The following KPTN variants were observed in gnomAD, a reference collection of about 807,000 sequenced individuals.
KPTN encodes the protein kaptin, actin binding protein.
In KPTN, 36 loss-of-function variants were observed where a neutral mutation model predicts 52.6. That is an observed-to-expected ratio of 0.68 (90% CI 0.52 to 0.90). KPTN has a LOEUF of 0.90. KPTN is among the 40% of genes least tolerant of loss of function. KPTN has a pLI of 0.00. For synonymous variants in KPTN, 271 were observed against 248.4 expected, an observed-to-expected ratio of 1.09 and a Z score of -0.85; for missense variants, 529 against 576.2, an observed-to-expected ratio of 0.92 and a Z score of 0.84.
rs746377317 is a variant in KPTN, at chr19:47,475,566, G to C, written c.1183-22C>G. Reference sequence around the variant, plus strand: ...TGTGCTGTGGGGAACAAGAGAATGAGGGGGATGGAGCTGAGGAAGAGCTGT... The same window carrying C: ...TGTGCTGTGGGGAACAAGAGAATGACGGGGATGGAGCTGAGGAAGAGCTGT... On this transcript the variant is annotated intron_variant, in intron 11 of 11. Transcript: ENST00000338134. 12 of 1,609,448 alleles carry C rather than the reference G, an allele frequency of 7.5e-6. No individual in the cohort carries two copies. In the East Asian group the frequency reaches 2.5e-4, roughly 33 times the overall value.
intron 7 of KPTN, 104 bp from the exon 8 acceptor site, chr19:47,480,044 C>G: frequency 1.1e-6 from 1 of 917,928 alleles, no homozygotes; most frequent in Admixed American, 2.1e-5. Context: ...CACCCTAGCC[C>G]CGCCCCTCTG....
upstream of KPTN, among the ~76,000 whole-genome samples, chr19:47,485,631 T>C (rs1210905350): frequency 6.6e-6 from 1 of 152,186 alleles, no homozygotes; most frequent in Non-Finnish European, 1.5e-5. Flanking sequence ...AAAGCAGGCA[T>C]TCAGAAAATA....
rs1176996149 is a variant in KPTN at position 47,476,590 on chromosome 19, G to C, written c.1124C>G (p.Thr375Ser). The C allele has an allele frequency of 2.5e-6, 4 of 1,612,024 alleles. No individual in the cohort carries two copies. Among genetic ancestry groups the C allele is most frequent in the African/African-American group, 2.7e-5 (2 of 74,348 alleles). ...GGCAAGCTCCTGCAGCCCATCCCCG[G>C]TCAGGTCCACGTGAGCCATGGCCAG... is the stretch of plus-strand genomic sequence containing the variant. The part of the protein sequence containing the change: ...PLLAMAHVDL[T>S]GDGLQELAVV... The change falls in exon 11 of 12, where the codon ACC (threonine) becomes AGC (serine). Residue 375 changes from threonine (T) to serine (S), a missense_variant. Coordinates refer to ENST00000338134, the MANE Select transcript of KPTN (RefSeq NM_007059.4).
chr19:47,477,640 A>G, intron 9 of KPTN, 66 bp downstream of exon 9: 1 of 1,212,496 alleles, frequency 8.2e-7, no homozygotes, highest in Non-Finnish European at 1.2e-6. Flanking sequence ...GTAGAGAATG[A>G]CAAGGTTAGA....
In KPTN at chr19:47,475,547, G is replaced by C. The variant is rs1967635121; in HGVS notation, c.1183-3C>G. ...TCTGAGGCCTGAATCAGGCTGTGCT[G>C]TGGGGAACAAGAGAATGAGGGGGAT... On this transcript the variant is annotated splice_polypyrimidine_tract_variant and splice_region_variant and intron_variant, in intron 11 of 11. Coordinates refer to ENST00000338134, the MANE Select transcript of KPTN (RefSeq NM_007059.4). 3 of 1,612,044 alleles carry C rather than the reference G, an allele frequency of 1.9e-6. No homozygotes were observed. Among genetic ancestry groups the C allele is most frequent in the Non-Finnish European group, 2.5e-6 (3 of 1,178,484 alleles).
At chr19:47,479,822 C>G in intron 8 of KPTN, 41 bp downstream of exon 8, 2 of 1,536,482 alleles carry the variant, frequency 1.3e-6, no homozygotes, top group Non-Finnish European at 1.8e-6. Flanking sequence ...CCTCTTCCCT[C>G]CCACCCGCTC....
chr19:47,483,674 T>C, intron 1 of KPTN, 90 bp from the exon 2 acceptor site: 1 of 1,037,618 alleles, frequency 9.6e-7, no homozygotes, highest in South Asian at 1.5e-5. Context: ...GCAATGATCA[T>C]GCCCTCTGGT....
intron 8 of KPTN, among the ~76,000 whole-genome samples, chr19:47,478,308 G>T (rs545400642): frequency 6.6e-6 from 1 of 151,882 alleles, no homozygotes; most frequent in African/African-American, 2.4e-5. Context: ...GGTTCTGGGT[G>T]TGGTGGCTCA....
At position 47,475,450 on chromosome 19, in the gene KPTN, G is replaced by T. The variant is rs757152910; in HGVS notation, c.1277C>A (p.Ala426Glu). 7 of 1,613,228 alleles carry T rather than the reference G, an allele frequency of 4.3e-6. No individual in the cohort carries two copies. The Admixed American group carries it at 1.0e-4, about 23-fold the overall frequency. Residue 426 changes from alanine (A) to glutamate (E), a missense_variant, in exon 12 of 12, where the codon GCA becomes GAA. Ala to Glu is a moderately radical substitution (Grantham distance 107). Coordinates refer to ENST00000338134, the MANE Select transcript of KPTN (RefSeq NM_007059.4). Reference sequence around the variant, plus strand: ...TGCATTCTCAGCAGGCCCTGCACCTGCCCCGTCCTCCAACCCCTGTAGCCG... The same window carrying T: ...TGCATTCTCAGCAGGCCCTGCACCTTCCCCGTCCTCCAACCCCTGTAGCCG... ...RRRLQGLEDG[A>E]GAGPAENAAS
upstream of KPTN, chr19:47,484,312 C>T: frequency 7.9e-6 from 8 of 1,011,194 alleles, no homozygotes; most frequent in Non-Finnish European, 1.1e-5. Flanking sequence ...CCCAAGATGG[C>T]GGCCAGGTCG....
At chr19:47,478,567 T>TTAAAAAAAA (rs1967755974) in intron 8 of KPTN, among the ~76,000 whole-genome samples, 2 of 66,234 alleles carry the variant, frequency 3.0e-5, no homozygotes, top group Admixed American at 2.6e-4. Flanking sequence ...AGACTCTGTC[T>TTAAAAAAAA]AAAAAAAAAA....
rs1473002788 is a variant in KPTN at position 47,478,381 on chromosome 19, T to C, written c.788-600A>G. ...TCACCTGAGGTCAAGAGTTCGAGAC[T>C]AGCCTGGCCAACATGGTGAAACCCT... On this transcript the variant is annotated intron_variant, in intron 8 of 11. Coordinates refer to ENST00000338134, the MANE Select transcript of KPTN (RefSeq NM_007059.4). 2.0e-5 allele frequency among the ~76,000 whole-genome samples: 3 copies of C among 151,668 alleles called. No individual in the cohort carries two copies. In the South Asian group the frequency reaches 6.3e-4, roughly 32 times the overall value.
chr19:47,476,353 C>T (rs1401870729), intron 11 of KPTN, among the ~76,000 whole-genome samples, 179 bp downstream of exon 11: 2 of 86,582 alleles, frequency 2.3e-5, no homozygotes, highest in African/African-American at 4.3e-5. Flanking sequence ...TTCACCAGGC[C>T]GGTGCCCCCA....
upstream of KPTN, chr19:47,484,263 C>T (rs535843477): frequency 4.4e-5 from 61 of 1,375,904 alleles, no homozygotes; most frequent in South Asian, 7.5e-4. Flanking sequence ...GGCCGTTGCG[C>T]GGGCTGATGA....
chr19:47,480,509 C>A (rs1967840618), intron 6 of KPTN, 102 bp from the exon 7 acceptor site: 3 of 862,816 alleles, frequency 3.5e-6, no homozygotes, highest in African/African-American at 3.4e-5. Context: ...GCCCTGGGAC[C>A]CTGCTGCTTG....
chr19:47,482,841 G>A (rs567682066), intron 4 of KPTN, among the ~76,000 whole-genome samples: 4 of 152,218 alleles, frequency 2.6e-5, no homozygotes, highest in African/African-American at 9.6e-5. Flanking sequence ...GAGTAGGCTG[G>A]GATTACAGGC....
At chr19:47,476,353 C>G (rs1401870729) in intron 11 of KPTN, among the ~76,000 whole-genome samples, 179 bp downstream of exon 11, 1 of 86,582 alleles carries the variant, frequency 1.2e-5, no homozygotes, top group Non-Finnish European at 2.4e-5. Flanking sequence ...TTCACCAGGC[C>G]GGTGCCCCCA....
intron 8 of KPTN, among the ~76,000 whole-genome samples, chr19:47,478,365 G>A (rs1408764086): frequency 6.6e-6 from 1 of 151,796 alleles, no homozygotes; most frequent in African/African-American, 2.4e-5. Flanking sequence ...ATCACCTGAG[G>A]TCAAGAGTTC....
At chr19:47,482,489 AAAAAAAG>A (rs1339216596) in intron 4 of KPTN, among the ~76,000 whole-genome samples, 1 of 151,056 alleles carries the variant, frequency 6.6e-6, no homozygotes. Flanking sequence ...TCAAAAAAAA[AAAAAAAG>A]AAAGAAAAAA....
Sources: allele counts gnomAD v4.1 joint callset (sites outside exome capture counted in the v4.1 genomes callset), GRCh38; gene constraint gnomAD v4.1.1; transcripts MANE v1.5; gene names NCBI Gene and HGNC (gene_info 2026-07-23, HGNC 2026-07-21).